The following DOK5 variants were observed in gnomAD, a reference collection of about 807,000 sequenced individuals.
DOK5 encodes the protein downstream of tyrosine kinase 5.
A neutral mutation model predicts 43.3 loss-of-function variants in DOK5; 27 were observed. The ratio of observed to expected loss-of-function variants is 0.62; its 90% CI spans 0.46 to 0.86. DOK5 has a LOEUF of 0.86. DOK5 is among the 40% of genes least tolerant of loss of function. The pLI is 0.00. For synonymous variants in DOK5, 146 were observed against 140.1 expected (o/e 1.04, Z -0.30); for missense variants, 373 against 392.9 (o/e 0.95, Z 0.43).
intron 6 of DOK5, among the ~76,000 whole-genome samples, chr20:54,622,143 G>A (rs761146853): frequency 6.6e-6 from 1 of 151,374 alleles, no homozygotes; most frequent in Non-Finnish European, 1.5e-5. Flanking sequence ...GCAGTGAGCC[G>A]AGATCACGCC....
chr20:54,613,805 G>A (rs1986724229), intron 6 of DOK5, among the ~76,000 whole-genome samples: 1 of 152,044 alleles, frequency 6.6e-6, no homozygotes, highest in African/African-American at 2.4e-5. Context: ...ACCAGTCTGG[G>A]CAAAATGGTA....
At chr20:54,620,196 T>G (rs1207914340) in intron 6 of DOK5, among the ~76,000 whole-genome samples, 1 of 152,216 alleles carries the variant, frequency 6.6e-6, no homozygotes, top group Admixed American at 6.5e-5. Flanking sequence ...TTAGATCTTA[T>G]GGAGAATATA....
chr20:54,604,571 C>T (rs550239990), intron 5 of DOK5, among the ~76,000 whole-genome samples: 7 of 152,246 alleles, frequency 4.6e-5, no homozygotes, highest in East Asian at 3.9e-4. Context: ...TCCTTCACAG[C>T]GGCTGTTATG....
chr20:54,529,320 A>T (rs1983683872), intron 1 of DOK5, among the ~76,000 whole-genome samples: 1 of 152,142 alleles, frequency 6.6e-6, no homozygotes, highest in African/African-American at 2.4e-5. Flanking sequence ...CTAAACCTCA[A>T]CTTCTCACCT....
intron 1 of DOK5, among the ~76,000 whole-genome samples, chr20:54,479,116 C>T (rs1981559220): frequency 6.6e-6 from 1 of 152,094 alleles, no homozygotes; most frequent in South Asian, 2.1e-4. Context: ...ATTCTAAAAA[C>T]ATTCCCATTC....
chr20:54,498,181 T>G (rs1478673742), intron 1 of DOK5, among the ~76,000 whole-genome samples: 5 of 152,208 alleles, frequency 3.3e-5, no homozygotes, highest in Admixed American at 3.3e-4. Context: ...GCAGGAGAAT[T>G]AGTGAGGCGG....
At chr20:54,513,958 C>G (rs1053571010) in intron 1 of DOK5, among the ~76,000 whole-genome samples, 4 of 152,178 alleles carry the variant, frequency 2.6e-5, no homozygotes, top group Non-Finnish European at 5.9e-5. Flanking sequence ...CTTGGAATTA[C>G]CTCCCATCTG....
intron 6 of DOK5, among the ~76,000 whole-genome samples, chr20:54,613,032 C>A (rs200295872): frequency 1.3e-5 from 2 of 152,336 alleles, no homozygotes; most frequent in East Asian, 3.9e-4. Flanking sequence ...TTTCCATGAA[C>A]TGTAGCTGTT....
chr20:54,646,671 A>G (rs6023458), intron 7 of DOK5, among the ~76,000 whole-genome samples: 7 of 151,688 alleles, frequency 4.6e-5, no homozygotes, highest in East Asian at 1.9e-4. Flanking sequence ...AAGTACATTT[A>G]AAAAAAAAGT....
intron 2 of DOK5, among the ~76,000 whole-genome samples, chr20:54,577,763 C>T (rs1487169496): frequency 6.6e-6 from 1 of 152,140 alleles, no homozygotes; most frequent in African/African-American, 2.4e-5. Flanking sequence ...CTGAGGTTCA[C>T]CTGTGTTCAG....
intron 1 of DOK5, among the ~76,000 whole-genome samples, chr20:54,493,219 C>T (rs1028465947): frequency 2.6e-5 from 4 of 152,140 alleles, no homozygotes; most frequent in East Asian, 1.9e-4. Flanking sequence ...CTTCCCCTTG[C>T]ACATGAATAT....
At chr20:54,545,391 T>C (rs1371105752) in intron 1 of DOK5, among the ~76,000 whole-genome samples, 1 of 152,160 alleles carries the variant, frequency 6.6e-6, no homozygotes, top group Non-Finnish European at 1.5e-5. Flanking sequence ...CAGAGGAGAC[T>C]GAGACTCTAA....
At chr20:54,501,442 G>C (rs1427245107) in intron 1 of DOK5, among the ~76,000 whole-genome samples, 1 of 141,254 alleles carries the variant, frequency 7.1e-6, no homozygotes, top group Non-Finnish European at 1.5e-5. Context: ...ACTCTAGCCT[G>C]GGTGACAGAG....
intron 6 of DOK5, 140 bp from the exon 7 acceptor site, chr20:54,643,318 C>A (rs1979214799): frequency 1.7e-6 from 2 of 1,174,780 alleles, no homozygotes; most frequent in African/African-American, 1.5e-5. Flanking sequence ...CCACCATGCC[C>A]ACCACCTTCA....
intron 1 of DOK5, among the ~76,000 whole-genome samples, chr20:54,487,287 A>C (rs1021550792): frequency 7.9e-5 from 12 of 152,162 alleles, no homozygotes; most frequent in Non-Finnish European, 1.3e-4. Context: ...CCTAGAGAGG[A>C]CCATCCTGAC....
At chr20:54,609,167 T>C (rs903962717) in intron 5 of DOK5, among the ~76,000 whole-genome samples, 2 of 152,192 alleles carry the variant, frequency 1.3e-5, no homozygotes, top group African/African-American at 2.4e-5. Flanking sequence ...TAGACTGGGC[T>C]AGACTAAAAA....
At chr20:54,608,950 C>T (rs1600733176) in intron 5 of DOK5, among the ~76,000 whole-genome samples, 2 of 152,278 alleles carry the variant, frequency 1.3e-5, no homozygotes, top group East Asian at 3.9e-4. Context: ...GCTGGGATTA[C>T]AGGTGTGAGC....
At chr20:54,515,596 A>G (rs143550044) in intron 1 of DOK5, among the ~76,000 whole-genome samples, 13 of 152,308 alleles carry the variant, frequency 8.5e-5, no homozygotes, top group African/African-American at 3.1e-4. Context: ...CTAAATCCTT[A>G]CTTTGAGATC....
chr20:54,636,077 G>C (rs963695232), intron 6 of DOK5, among the ~76,000 whole-genome samples: 6 of 152,156 alleles, frequency 3.9e-5, no homozygotes, highest in Non-Finnish European at 8.8e-5. Flanking sequence ...ACCAAGAGGG[G>C]ATGAACCTAC....
Sources: allele counts gnomAD v4.1 joint callset (sites outside exome capture counted in the v4.1 genomes callset), GRCh38; gene constraint gnomAD v4.1.1; transcripts MANE v1.5; gene names NCBI Gene and HGNC (gene_info 2026-07-23, HGNC 2026-07-21).